Variants in LMBRD1 observed in about 807,000 individuals in gnomAD.
LMBRD1 encodes LMBR1 domain containing 1.
Under a neutral mutation model 74.8 loss-of-function variants are expected in LMBRD1, and 64 were observed. The ratio of observed to expected loss-of-function variants is 0.86; its 90% CI spans 0.70 to 1.05. The LOEUF (loss-of-function observed/expected upper bound fraction) is 1.05, where lower values mean the gene tolerates loss of function less well. LMBRD1 is among the 50% of genes least tolerant of loss of function. The probability of loss-of-function intolerance (pLI) is 0.00; values close to 1 mark genes in which losing one functional copy is unlikely to be tolerated. For missense variants in LMBRD1, 652 were observed against 645.9 expected (o/e 1.01, Z -0.10); for synonymous variants, 204 against 216.3 (o/e 0.94, Z 0.50).
chr6:69,709,260 T>G (rs988523337), intron 9 of LMBRD1, among the ~76,000 whole-genome samples: 2 of 151,836 alleles, frequency 1.3e-5, no homozygotes, highest in African/African-American at 2.4e-5. Context: ...AAAGAAACAT[T>G]AATTGAAAAT....
rs80350352 is a variant in LMBRD1 at position 69,742,228 on chromosome 6, C to G, written c.474-351G>C. The stretch of plus-strand genomic sequence containing the variant: ...AACAATCCACAAAAAAGGTTAAGGA[C>G]ATCTGTATTAAATCAGTAAAGCAGA... On this transcript the variant is annotated intron_variant, in intron 5 of 15. Coordinates refer to ENST00000649934, the MANE Select transcript of LMBRD1 (RefSeq NM_018368.4). Among the ~76,000 whole-genome samples the G allele has an allele frequency of 4.6e-5, 7 of 152,102 alleles. No individual in the cohort carries two copies. In the East Asian group the frequency reaches 1.2e-3, roughly 25 times the overall value.
At chr6:69,677,049 A>G (rs1057407594) in intron 14 of LMBRD1, among the ~76,000 whole-genome samples, 1 of 152,202 alleles carries the variant, frequency 6.6e-6, no homozygotes, top group African/African-American at 2.4e-5. Flanking sequence ...AGAGAAAAGC[A>G]TAACAAATTT....
chr6:69,765,375 G>A (rs1765457556), intron 3 of LMBRD1, among the ~76,000 whole-genome samples: 1 of 152,048 alleles, frequency 6.6e-6, no homozygotes, highest in South Asian at 2.1e-4. Flanking sequence ...TTAATTGAAT[G>A]GAATTAAACT....
intron 8 of LMBRD1, among the ~76,000 whole-genome samples, chr6:69,717,939 T>A (rs535564008): frequency 6.6e-6 from 1 of 152,276 alleles, no homozygotes; most frequent in South Asian, 2.1e-4. Context: ...GCTCAAGCAA[T>A]CTGGGACTAC....
rs755189403 is a variant in LMBRD1, at chr6:69,741,786, T to TA, written c.562+2dup. Reference sequence around the variant, plus strand: ...TATGTTTTTTAAAAAAAACAATACTTACGACTACTTCCAAGTTCTTCAAAT... The same window carrying TA: ...TATGTTTTTTAAAAAAAACAATACTTAACGACTACTTCCAAGTTCTTCAAAT... On this transcript the variant is annotated splice_region_variant and intron_variant, in intron 6 of 15. Coordinates refer to ENST00000649934, the MANE Select transcript of LMBRD1 (RefSeq NM_018368.4). The TA allele has an allele frequency of 2.6e-6, 4 of 1,539,222 alleles. No homozygotes were observed. The highest frequency in any genetic ancestry group is 2.2e-5 in the East Asian group (1 of 44,462).
chr6:69,778,703 T>C (rs1180264619), intron 3 of LMBRD1, among the ~76,000 whole-genome samples: 3 of 152,164 alleles, frequency 2.0e-5, no homozygotes, highest in Non-Finnish European at 4.4e-5. Flanking sequence ...AACATTCTAC[T>C]TAATATAGCT....
At chr6:69,757,306 G>A (rs2149880521) in intron 3 of LMBRD1, among the ~76,000 whole-genome samples, 1 of 152,250 alleles carries the variant, frequency 6.6e-6, no homozygotes, top group East Asian at 1.9e-4. Context: ...AAAGATGTAT[G>A]GCAACCAAAA....
At chr6:69,737,144 C>T (rs1050825297) in intron 7 of LMBRD1, among the ~76,000 whole-genome samples, 4 of 152,000 alleles carry the variant, frequency 2.6e-5, no homozygotes, top group Non-Finnish European at 5.9e-5. Flanking sequence ...AGAAAATACC[C>T]AAAAATGTTT....
intron 7 of LMBRD1, 72 bp from the exon 8 acceptor site, chr6:69,719,153 A>G: frequency 6.9e-7 from 1 of 1,452,774 alleles, no homozygotes; most frequent in South Asian, 1.2e-5. Flanking sequence ...TAGGTTAAAA[A>G]TGTCTTTTAA....
intron 14 of LMBRD1, among the ~76,000 whole-genome samples, chr6:69,691,108 A>AT (rs1765867355): frequency 6.9e-6 from 1 of 145,128 alleles, no homozygotes; most frequent in Non-Finnish European, 1.5e-5. Flanking sequence ...TCAAACAACC[A>AT]TTTCCATTAT....
intron 11 of LMBRD1, among the ~76,000 whole-genome samples, 153 bp from the exon 12 acceptor site, chr6:69,701,022 C>A (rs570398581): frequency 6.6e-6 from 1 of 151,372 alleles, no homozygotes; most frequent in South Asian, 2.1e-4. Context: ...AAAAAAAAAT[C>A]CTCAAAAAAC....
chr6:69,764,239 A>C (rs994908624), intron 3 of LMBRD1, among the ~76,000 whole-genome samples: 2 of 152,184 alleles, frequency 1.3e-5, no homozygotes, highest in African/African-American at 4.8e-5. Context: ...AATTAGGTTC[A>C]GATGAGGGCA....
rs533463164 is a variant in LMBRD1 at position 69,770,108 on chromosome 6, A to G, written c.307+10386T>C. On this transcript the variant is annotated intron_variant, in intron 3 of 15. Transcript: ENST00000649934. Reference sequence around the variant, plus strand: ...TTCAGCCAGACATATGCTTGTCCCAATTATGACCACAATCCCATGCTAGTA... The same window carrying G: ...TTCAGCCAGACATATGCTTGTCCCAGTTATGACCACAATCCCATGCTAGTA... Among the ~76,000 whole-genome samples, 139 of 152,216 alleles carry G rather than the reference A, an allele frequency of 9.1e-4. No homozygotes were observed. In the South Asian group the frequency reaches 0.013, roughly 14 times the overall value.
intron 3 of LMBRD1, among the ~76,000 whole-genome samples, chr6:69,774,344 C>T (rs1765641572): frequency 6.6e-6 from 1 of 152,146 alleles, no homozygotes; most frequent in Admixed American, 6.5e-5. Flanking sequence ...ATAAATTACC[C>T]AGTCTTGGGT....
At chr6:69,762,502 C>T (rs73486009) in intron 3 of LMBRD1, among the ~76,000 whole-genome samples, 17,062 of 151,670 alleles carry the variant, frequency 0.11, 2,683 homozygotes, top group African/African-American at 0.35. Context: ...AAAACAACTA[C>T]ACCATATTAC....
intron 13 of LMBRD1, among the ~76,000 whole-genome samples, chr6:69,698,296 G>A (rs2149843041): frequency 6.6e-6 from 1 of 152,048 alleles, no homozygotes; most frequent in South Asian, 2.1e-4. Context: ...GCATGTTAAA[G>A]TAAAGAAAGA....
intron 9 of LMBRD1, among the ~76,000 whole-genome samples, chr6:69,711,667 T>C (rs1464069959): frequency 1.3e-5 from 2 of 152,148 alleles, no homozygotes; most frequent in African/African-American, 2.4e-5. Context: ...AGTGATTATA[T>C]AGAAAAATTA....
intron 14 of LMBRD1, among the ~76,000 whole-genome samples, chr6:69,692,273 GCTCT>G (rs138071564): frequency 2.5e-5 from 3 of 120,432 alleles, no homozygotes; most frequent in African/African-American, 9.5e-5. Flanking sequence ...TTTAAGGTGC[GCTCT>G]CTCTCTCTCT....
chr6:69,687,606 T>C (rs1765791229), intron 14 of LMBRD1, among the ~76,000 whole-genome samples: 1 of 152,172 alleles, frequency 6.6e-6, no homozygotes, highest in African/African-American at 2.4e-5. Context: ...AACAGGATTG[T>C]GCTTCTCCGT....
Sources: allele counts gnomAD v4.1 joint callset (sites outside exome capture counted in the v4.1 genomes callset), GRCh38; gene constraint gnomAD v4.1.1; transcripts MANE v1.5; gene names NCBI Gene and HGNC (gene_info 2026-07-23, HGNC 2026-07-21).